Variants in TNFAIP8 observed in about 807,000 individuals in gnomAD.
TNFAIP8 encodes the protein tumor necrosis factor alpha-induced protein 8.
A neutral mutation model predicts 13.3 loss-of-function variants in TNFAIP8; 7 were observed. That is an observed-to-expected ratio of 0.52 (90% CI 0.30 to 0.99). The LOEUF (loss-of-function observed/expected upper bound fraction) is 0.99, where lower values mean the gene tolerates loss of function less well. Ranked by LOEUF, TNFAIP8 falls within the 50% of genes least tolerant of loss-of-function variation. The probability of loss-of-function intolerance (pLI) is 0.07; values close to 1 mark genes in which losing one functional copy is unlikely to be tolerated. For synonymous variants in TNFAIP8, 94 were observed against 87.6 expected (o/e 1.07, Z -0.41); for missense variants, 258 against 236.9 (o/e 1.09, Z -0.58).
intron 1 of TNFAIP8, among the ~76,000 whole-genome samples, chr5:119,372,033 A>T (rs573475560): frequency 1.3e-5 from 2 of 151,952 alleles, no homozygotes; most frequent in East Asian, 3.9e-4. Flanking sequence ...GCTACTCAAG[A>T]GGCTGAGGCA....
At chr5:119,297,042 A>C (rs371449261) in intron 1 of TNFAIP8, among the ~76,000 whole-genome samples, 2 of 152,020 alleles carry the variant, frequency 1.3e-5, no homozygotes, top group Admixed American at 6.6e-5. Flanking sequence ...TCTTGCTAGC[A>C]GTCTATCAAT....
intron 1 of TNFAIP8, among the ~76,000 whole-genome samples, chr5:119,316,949 G>T (rs575399330): frequency 1.3e-5 from 2 of 152,312 alleles, no homozygotes; most frequent in South Asian, 4.1e-4. Context: ...TAACAATTAT[G>T]TGGGCCAAAA....
intron 1 of TNFAIP8, among the ~76,000 whole-genome samples, chr5:119,340,408 A>G (rs537655303): frequency 7.1e-4 from 108 of 152,358 alleles, no homozygotes; most frequent in African/African-American, 2.5e-3. Flanking sequence ...GCCCAAAGGC[A>G]TGCCCTGCTC....
At chr5:119,364,718 AT>A (rs1180268041) in intron 1 of TNFAIP8, among the ~76,000 whole-genome samples, 1 of 151,968 alleles carries the variant, frequency 6.6e-6, no homozygotes, top group Non-Finnish European at 1.5e-5. Context: ...TGAAGACCAA[AT>A]GTATATTTCT....
chr5:119,348,793 T>G (rs911658237), intron 1 of TNFAIP8, among the ~76,000 whole-genome samples: 1 of 150,362 alleles, frequency 6.7e-6, no homozygotes, highest in African/African-American at 2.4e-5. Context: ...GGCAGGAGAA[T>G]TGCTTGAACC....
At chr5:119,294,970 A>C (rs1476729874) in intron 1 of TNFAIP8, among the ~76,000 whole-genome samples, 2 of 151,126 alleles carry the variant, frequency 1.3e-5, no homozygotes, top group African/African-American at 2.4e-5. Flanking sequence ...GGTTGCGAAA[A>C]TTTTCTCCCA....
intron 1 of TNFAIP8, among the ~76,000 whole-genome samples, chr5:119,273,906 C>T (rs909514139): frequency 3.9e-5 from 6 of 152,216 alleles, no homozygotes; most frequent in African/African-American, 1.4e-4. Context: ...CAACAGCTCA[C>T]TCTGTCAATA....
chr5:119,349,132 C>T (rs969382134), intron 1 of TNFAIP8, among the ~76,000 whole-genome samples: 9 of 152,154 alleles, frequency 5.9e-5, no homozygotes, highest in African/African-American at 2.2e-4. Flanking sequence ...CACCTGAGCA[C>T]AGGAAAGAAA....
At chr5:119,308,711 A>C (rs2012594) in intron 1 of TNFAIP8, among the ~76,000 whole-genome samples, 16 of 151,830 alleles carry the variant, frequency 1.1e-4, no homozygotes, top group African/African-American at 3.6e-4. Context: ...AAACTACAAA[A>C]ATTAGCCAGG....
rs75947320 is a variant in TNFAIP8, at chr5:119,395,887, G to C, written c.*2506G>C. The C allele has an allele frequency of 2.6e-5, 4 of 152,024 alleles. No homozygotes were observed. Among genetic ancestry groups the C allele is most frequent in the African/African-American group, 4.8e-5 (2 of 41,366 alleles). 9.4% of individuals were successfully genotyped at this position (152,024 alleles called of 1,614,324 possible). On this transcript the variant is annotated 3_prime_UTR_variant, in exon 2 of 2. Transcript: ENST00000504771. ...ATAAAATAGTATCTGTTCACGTTTT[G>C]AAAAAAATTGTGTTGTAATTGATTT... is the stretch of plus-strand genomic sequence containing the variant.
At chr5:119,311,933 G>C (rs1015573258) in intron 1 of TNFAIP8, among the ~76,000 whole-genome samples, 3 of 152,110 alleles carry the variant, frequency 2.0e-5, no homozygotes, top group Non-Finnish European at 4.4e-5. Flanking sequence ...ACCAAACCTA[G>C]TTTAACTAAG....
chr5:119,277,961 T>A (rs1748509094), intron 1 of TNFAIP8, among the ~76,000 whole-genome samples: 1 of 152,132 alleles, frequency 6.6e-6, no homozygotes, highest in South Asian at 2.1e-4. Context: ...TATGACTTAA[T>A]CACTTCTAAC....
chr5:119,385,560 C>T (rs749786956), intron 1 of TNFAIP8, among the ~76,000 whole-genome samples: 8 of 152,010 alleles, frequency 5.3e-5, no homozygotes, highest in Non-Finnish European at 1.2e-4. Context: ...GCAGAGTCCT[C>T]GTAGTACTAA....
exon 1 of TNFAIP8, chr5:119,268,813 G>A: frequency 1.4e-6 from 1 of 698,246 alleles, no homozygotes; most frequent in East Asian, 2.7e-5. Context: ...AGGTCCGCGG[G>A]AACCCGTGAG....
intron 1 of TNFAIP8, among the ~76,000 whole-genome samples, chr5:119,271,765 T>A (rs1267558712): frequency 6.6e-6 from 1 of 151,914 alleles, no homozygotes; most frequent in South Asian, 2.1e-4. Flanking sequence ...AGGGAAGGAG[T>A]TGTGTGGTGC....
At chr5:119,389,625 CT>C (rs1264451607) in intron 1 of TNFAIP8, among the ~76,000 whole-genome samples, 4 of 152,126 alleles carry the variant, frequency 2.6e-5, no homozygotes, top group Admixed American at 2.6e-4. Flanking sequence ...CCCCAGTTGG[CT>C]TCAAAAAAAC....
intron 1 of TNFAIP8, among the ~76,000 whole-genome samples, chr5:119,378,768 T>C (rs879301999): frequency 2.0e-5 from 3 of 152,192 alleles, no homozygotes; most frequent in Non-Finnish European, 4.4e-5. Flanking sequence ...TTTACACAGC[T>C]TCCTCCCCTT....
chr5:119,275,002 A>AT (rs1241187299), intron 1 of TNFAIP8, among the ~76,000 whole-genome samples: 32 of 135,636 alleles, frequency 2.4e-4, no homozygotes, highest in African/African-American at 5.3e-4. Context: ...AGCTGTAGGG[A>AT]TTTTTTTTTA....
chr5:119,359,855 A>G (rs1196519492), intron 1 of TNFAIP8, among the ~76,000 whole-genome samples: 1 of 152,250 alleles, frequency 6.6e-6, no homozygotes, highest in Non-Finnish European at 1.5e-5. Flanking sequence ...TACATAATGT[A>G]AAAGGTACAG....
Sources: allele counts gnomAD v4.1 joint callset (sites outside exome capture counted in the v4.1 genomes callset), GRCh38; gene constraint gnomAD v4.1.1; transcripts MANE v1.5; gene names NCBI Gene and HGNC (gene_info 2026-07-23, HGNC 2026-07-21).